Variants in CCDC39 observed in about 807,000 individuals in gnomAD.
The protein encoded by CCDC39 is coiled-coil domain 39 molecular ruler complex subunit.
In CCDC39, 113 loss-of-function variants were observed where a neutral mutation model predicts 121.0. That is an observed-to-expected ratio of 0.93 (90% CI 0.80 to 1.09). The LOEUF is 1.09. Ranked by LOEUF, CCDC39 falls within the 50% of genes least tolerant of loss-of-function variation. The pLI is 0.00. For synonymous variants in CCDC39, 349 were observed against 352.2 expected (o/e 0.99, Z 0.10); for missense variants, 1,063 against 1,074.7 (o/e 0.99, Z 0.15).
rs1711928098 is a variant in CCDC39, at chr3:180,667,873, T to C, written c.91-3887A>G. On this transcript the variant is annotated intron_variant, in intron 1 of 19. Coordinates refer to ENST00000476379, the MANE Select transcript of CCDC39 (RefSeq NM_181426.2). ...AAGAAAATTAAAAGTGCTGCTCCCT[T>C]GAACACACAAATGATAAGAAAGCAA... Among the ~76,000 whole-genome samples the C allele has an allele frequency of 3.3e-5, 5 of 152,134 alleles. 1 individual carries two copies. Among genetic ancestry groups the C allele is most frequent in the Admixed American group, 2.0e-4 (3 of 15,274 alleles).
rs953349340 is a variant in CCDC39, at chr3:180,619,860, G to A, written c.2109C>T (p.Asn703=). 3 of 1,607,964 alleles carry A rather than the reference G, an allele frequency of 1.9e-6. No individual in the cohort carries two copies. The African/African-American group carries it at 4.1e-5, about 22-fold the overall frequency. ...ATTGCTTATAATTGTTGTTACAGCT[G>A]TTCAGCACTTGAAGGGTATTTTCTA... ...YALENTLQVL[N]SCNNNYKQSF... The change falls in exon 15 of 20, where the codon AAC becomes AAT. Residue 703 remains asparagine (N), a synonymous_variant. Coordinates refer to ENST00000476379, the MANE Select transcript of CCDC39 (RefSeq NM_181426.2).
chr3:180,670,450 C>G (rs1712008420), intron 1 of CCDC39, among the ~76,000 whole-genome samples: 1 of 151,916 alleles, frequency 6.6e-6, no homozygotes, highest in Non-Finnish European at 1.5e-5. Context: ...AGTATTCTCA[C>G]CTACAAGTAA....
At chr3:180,617,755 A>C (rs1717302507) in intron 16 of CCDC39, 1 of 348,420 alleles carries the variant, frequency 2.9e-6, no homozygotes, top group Admixed American at 4.7e-5. Flanking sequence ...AAAAATGTTT[A>C]AAGTTAAAAA....
At chr3:180,624,785 G>C (rs1717519148) in intron 14 of CCDC39, among the ~76,000 whole-genome samples, 1 of 151,798 alleles carries the variant, frequency 6.6e-6, no homozygotes, top group Non-Finnish European at 1.5e-5. Flanking sequence ...GGTGTTTTTT[G>C]GTTTTATTTT....
rs191385192 is a variant in CCDC39, at chr3:180,659,681, G to C, written c.605C>G (p.Ala202Gly). 4 of 1,608,728 alleles carry C rather than the reference G, an allele frequency of 2.5e-6. No individual in the cohort carries two copies. Among genetic ancestry groups the C allele is most frequent in the Non-Finnish European group, 3.4e-6 (4 of 1,178,256 alleles). The change falls in exon 5 of 20, where the codon GCA becomes GGA. Residue 202 changes from alanine to glycine, a missense_variant. Ala to Gly is a moderately conservative substitution (Grantham distance 60). Transcript: ENST00000476379. ...LDNELTETIS[A>G]QLELDKAAQD... ...AAAAATCTTCCTTAAACTAACCTGT[G>C]CGCTTATAGTCTCTGTAAGTTCGTT... is the stretch of plus-strand genomic sequence containing the variant.
chr3:180,621,810 A>G (rs113736171), intron 14 of CCDC39, among the ~76,000 whole-genome samples: 25 of 152,082 alleles, frequency 1.6e-4, no homozygotes, highest in African/African-American at 5.8e-4. Flanking sequence ...TACCAGTACC[A>G]TTGATGTTTT....
intron 7 of CCDC39, among the ~76,000 whole-genome samples, chr3:180,652,568 A>C (rs567118010): frequency 6.6e-6 from 1 of 152,292 alleles, no homozygotes; most frequent in Non-Finnish European, 1.5e-5. Flanking sequence ...AGTCCAGATA[A>C]GCTAATATAT....
At chr3:180,615,156 AC>A in intron 19 of CCDC39, 79 bp from the exon 20 acceptor site, 1 of 1,064,630 alleles carries the variant, frequency 9.4e-7, no homozygotes, top group Non-Finnish European at 1.3e-6. Flanking sequence ...GGCAAAAGGT[AC>A]CATAATTCCA....
chr3:180,628,593 G>A (rs1015196801), intron 14 of CCDC39, among the ~76,000 whole-genome samples: 1 of 152,130 alleles, frequency 6.6e-6, no homozygotes, highest in African/African-American at 2.4e-5. Flanking sequence ...GGGTCAACAA[G>A]CTTTGTCTGT....
intron 13 of CCDC39, among the ~76,000 whole-genome samples, chr3:180,635,309 C>T (rs1198906165): frequency 6.6e-6 from 1 of 152,138 alleles, no homozygotes; most frequent in Non-Finnish European, 1.5e-5. Context: ...TATTCTGCCC[C>T]TAGTGCCTCC....
In CCDC39 at chr3:180,654,756, A is replaced by T; in HGVS notation, c.930+6T>A. 1 of 1,595,754 alleles carries T rather than the reference A, an allele frequency of 6.3e-7. No homozygotes were observed. Among genetic ancestry groups the T allele is most frequent in the East Asian group, 2.3e-5 (1 of 44,092 alleles). ...ATACAAGCCAGTCTTTTTTGAGTTG[A>T]CATACCTCACCCTTCAGCTGAATTC... On this transcript the variant is annotated splice_donor_region_variant and intron_variant, in intron 7 of 19. Coordinates refer to ENST00000476379, the MANE Select transcript of CCDC39 (RefSeq NM_181426.2).
At chr3:180,639,219 A>T (rs571892870) in intron 13 of CCDC39, among the ~76,000 whole-genome samples, 3 of 152,304 alleles carry the variant, frequency 2.0e-5, no homozygotes, top group African/African-American at 7.2e-5. Context: ...TTAGAAAAAT[A>T]AAAGAATTAT....
At chr3:180,637,230 A>T (rs1361247856) in intron 13 of CCDC39, among the ~76,000 whole-genome samples, 4 of 152,208 alleles carry the variant, frequency 2.6e-5, no homozygotes, top group African/African-American at 7.2e-5. Context: ...AAACAAATTT[A>T]TAAGAAAAAA....
intron 2 of CCDC39, among the ~76,000 whole-genome samples, chr3:180,663,593 C>T (rs1444663244): frequency 6.6e-6 from 1 of 151,536 alleles, no homozygotes. Flanking sequence ...TCTTTTGAAC[C>T]CAGGAGGCAG....
chr3:180,674,601 T>A (rs1424946837), intron 1 of CCDC39, among the ~76,000 whole-genome samples: 1 of 152,238 alleles, frequency 6.6e-6, no homozygotes, highest in African/African-American at 2.4e-5. Flanking sequence ...TTCAGTATGA[T>A]ATTAGCTGTG....
chr3:180,662,950 A>G (rs373415066), intron 2 of CCDC39, among the ~76,000 whole-genome samples: 3 of 152,142 alleles, frequency 2.0e-5, no homozygotes, highest in South Asian at 2.1e-4. Context: ...AAACTCTCCA[A>G]TGCTGTTTGC....
intron 1 of CCDC39, among the ~76,000 whole-genome samples, chr3:180,668,007 C>T (rs1711931330): frequency 6.6e-6 from 1 of 152,110 alleles, no homozygotes; most frequent in East Asian, 1.9e-4. Flanking sequence ...CAGGTTCAGG[C>T]GAAGGCAGGT....
intron 3 of CCDC39, 136 bp downstream of exon 3, chr3:180,661,720 TCACTG>T (rs1325534122): frequency 1.5e-6 from 1 of 681,040 alleles, no homozygotes; most frequent in African/African-American, 1.8e-5. Flanking sequence ...CATGTGCCTT[TCACTG>T]TCCAAAAAAT....
rs765773503 is a variant in CCDC39, at chr3:180,647,116, G to A, written c.1490C>T (p.Thr497Ile). The A allele has an allele frequency of 3.1e-6, 5 of 1,609,220 alleles. No homozygotes were observed. The highest frequency in any genetic ancestry group is 4.2e-6 in the Non-Finnish European group (5 of 1,178,414). ...LRKSLEEKKS[T>I]CGLLETQIKK... ...GATCTGTGTTTCCAAAAGGCCACAT[G>A]TAGATTTTTTCTCTTCCAAAGACTT... The change falls in exon 11 of 20, where the codon ACA (threonine) becomes ATA (isoleucine). Residue 497 changes from threonine (T) to isoleucine (I), a missense_variant. Coordinates refer to ENST00000476379, the MANE Select transcript of CCDC39 (RefSeq NM_181426.2).
Sources: gnomAD v4.1 joint callset for allele counts (sites outside exome capture counted in the v4.1 genomes callset) on GRCh38, gnomAD v4.1.1 for gene constraint, MANE v1.5 for transcripts, NCBI Gene and HGNC (gene_info 2026-07-23, HGNC 2026-07-21) for gene names.